The following STAT6 variants were observed in gnomAD, a reference collection of about 807,000 sequenced individuals.
STAT6 encodes STAT, interleukin4-induced.
A neutral mutation model predicts 106.3 loss-of-function variants in STAT6; 45 were observed. The ratio of observed to expected loss-of-function variants is 0.42; its 90% CI spans 0.33 to 0.54. The LOEUF (loss-of-function observed/expected upper bound fraction) is 0.54, where lower values mean the gene tolerates loss of function less well. Among genes scored for constraint, STAT6 ranks in the 20% least tolerant of loss-of-function variants. The probability of loss-of-function intolerance (pLI) is 0.06; values close to 1 mark genes in which losing one functional copy is unlikely to be tolerated. For synonymous variants in STAT6, 413 were observed against 413.6 expected (o/e 1.00, Z 0.02); for missense variants, 797 against 1,062.2 (o/e 0.75, Z 3.47).
In STAT6 at chr12:57,096,948, A is replaced by G. The variant is rs1217011729; in HGVS notation, c.2256T>C (p.His752=). The G allele has an allele frequency of 2.5e-6, 4 of 1,614,116 alleles. No homozygotes were observed. The Admixed American group carries it at 6.7e-5, about 27-fold the overall frequency. The change falls in exon 21 of 22, where the codon CAT becomes CAC. Residue 752 remains histidine, a synonymous_variant. Transcript: ENST00000300134. ...GCAGGGGGTCAGGGCTGGACACAGCATGCTCCTGAGGCTGGCACGGCAGCA... is the reference window on the plus strand; with the variant it reads ...GCAGGGGGTCAGGGCTGGACACAGCGTGCTCCTGAGGCTGGCACGGCAGCA... The part of the protein sequence containing the change: ...QGLLPCQPQE[H]AVSSPDPLLC...
At chr12:57,110,424 C>T (rs2034515517) in intron 1 of STAT6, 1 of 152,256 alleles carries the variant, frequency 6.6e-6, no homozygotes, top group Non-Finnish European at 1.5e-5. Context: ...GGATCCTCGT[C>T]CGCCCGCTTG....
In STAT6 at chr12:57,105,041, C is replaced by T. The variant is rs983203870; in HGVS notation, c.1001+110G>A. 5 of 1,376,378 alleles carry T rather than the reference C, an allele frequency of 3.6e-6. No individual in the cohort carries two copies. The African/African-American group carries it at 7.2e-5, about 20-fold the overall frequency. 85.3% of individuals were successfully genotyped at this position (1,376,378 alleles called of 1,614,324 possible). A position where few individuals can be genotyped will look rare whatever the true frequency, so the allele number is the denominator to read the frequency against. ...CTGCCTTGACCATTCAGGGTCTCCA[C>T]ATCCCATGGCCCTCCCTCCCCATCC... On this transcript the variant is annotated intron_variant, in intron 9 of 21. Coordinates refer to ENST00000300134, the MANE Select transcript of STAT6 (RefSeq NM_003153.5).
At chr12:57,100,694 AAGAAAG>A (rs1325716074) in intron 13 of STAT6, among the ~76,000 whole-genome samples, 233 of 28,780 alleles carry the variant, frequency 8.1e-3, no homozygotes, top group Middle Eastern at 0.025. Flanking sequence ...GAAAGAAAGA[AAGAAAG>A]AGAAAGAAAG....
In STAT6 at chr12:57,106,569, T is replaced by C; in HGVS notation, c.490A>G (p.Ser164Gly). ...GAEAGQVSLH[S>G]LIETPANGTG... ...CCATTAGCAGGAGTTTCTATCAAGC[T>C]GTGCAGAGACACTGAGGGTTGGGGG... is the stretch of plus-strand genomic sequence containing the variant. Residue 164 changes from serine to glycine, a missense_variant, in exon 6 of 22, where the codon AGC (serine) becomes GGC (glycine). Around this residue, in one of 4 missense-constraint regions of STAT6, gnomAD observed 336 missense variants for 429.8 expected, o/e 0.78. Coordinates refer to ENST00000300134, the MANE Select transcript of STAT6 (RefSeq NM_003153.5). 1.2e-6 allele frequency: 2 copies of C among 1,614,172 alleles called. No homozygotes were observed. The highest frequency in any genetic ancestry group is 1.7e-6 in the Non-Finnish European group (2 of 1,180,024).
chr12:57,101,650 C>CACCAT (rs1270655471), intron 13 of STAT6, among the ~76,000 whole-genome samples: 1 of 150,074 alleles, frequency 6.7e-6, no homozygotes, highest in Non-Finnish European at 1.5e-5. Context: ...AGGCATGAAC[C>CACCAT]ACCATGCCTG....
In STAT6 at chr12:57,099,757, G is replaced by A. The variant is rs554689146; in HGVS notation, c.1744+10C>T. ...GCACAGAGACAGAGGACTGGCTGGGGTGGCCTCACCATCCTGGCCCCGGAT... is the reference window on the plus strand; with the variant it reads ...GCACAGAGACAGAGGACTGGCTGGGATGGCCTCACCATCCTGGCCCCGGAT... On this transcript the variant is annotated intron_variant, in intron 15 of 21. Coordinates refer to ENST00000300134, the MANE Select transcript of STAT6 (RefSeq NM_003153.5). This position sits in a 1 kb window ranked among gnomAD's most constrained non-coding sequence, Gnocchi z 4.7. The A allele has an allele frequency of 5.0e-6, 8 of 1,612,838 alleles. No homozygotes were observed. Among genetic ancestry groups the A allele is most frequent in the African/African-American group, 1.3e-5 (1 of 75,034 alleles).
At chr12:57,107,167 T>G in intron 4 of STAT6, 64 bp downstream of exon 4, 1 of 1,522,916 alleles carries the variant, frequency 6.6e-7, no homozygotes, top group Admixed American at 1.7e-5. Flanking sequence ...CTTTCTAGTT[T>G]GTCATGGCTC....
At position 57,099,000 on chromosome 12, in the gene STAT6, T is replaced by C. The variant is rs1440649076; in HGVS notation, c.1955+15A>G. 6.2e-7 allele frequency: 1 copy of C among 1,614,030 alleles called. No individual in the cohort carries two copies. The highest frequency in any genetic ancestry group is 1.3e-5 in the African/African-American group (1 of 74,912). On this transcript the variant is annotated intron_variant, in intron 17 of 21. Transcript: ENST00000300134. ...AAGCCCCTGACCTACCCACTGTCCA[T>C]ACCACCACACTCACCTTTCCACGGT... is the stretch of plus-strand genomic sequence containing the variant.
Position 57,101,097 on chromosome 12 carries a change from C to CT in STAT6, c.1513-1008dup, listed in dbSNP as rs71084730. Among the ~76,000 whole-genome samples, 133 of 146,076 alleles carry CT rather than the reference C, an allele frequency of 9.1e-4. 1 individual carries two copies. Among genetic ancestry groups the CT allele is most frequent in the Middle Eastern group, 3.5e-3 (1 of 282 alleles). ...ATTCTTTTTCTTTCTTTCTTTCTTT[C>CT]TTTTTTTTTTTAGACAGAATCTCAT... On this transcript the variant is annotated intron_variant, in intron 13 of 21. Transcript: ENST00000300134.
intron 1 of STAT6, among the ~76,000 whole-genome samples, chr12:57,108,914 C>T (rs927650148): frequency 5.3e-5 from 8 of 152,314 alleles, no homozygotes; most frequent in African/African-American, 1.9e-4. Flanking sequence ...AACCACAAGG[C>T]TCGGCCAGGC....
chr12:57,102,906 G>A lies in STAT6; in HGVS notation c.1228C>T (p.Leu410=). ...TGGTTGCCATGGACGATGACCACCA[G>A]GGGCAGAGACAGGGCCTGAAGAGGG... ...PIQLQALSLP[L]VVIVHGNQDN... Residue 410 remains leucine (L), a synonymous_variant, in exon 12 of 22, where the codon CTG becomes TTG. Coordinates refer to ENST00000300134, the MANE Select transcript of STAT6 (RefSeq NM_003153.5). 1 of 1,602,260 alleles carries A rather than the reference G, an allele frequency of 6.2e-7. No individual in the cohort carries two copies. Among genetic ancestry groups the A allele is most frequent in the Admixed American group, 1.7e-5 (1 of 59,394 alleles).
At chr12:57,108,995 A>G (rs1470295837) in intron 1 of STAT6, among the ~76,000 whole-genome samples, 3 of 152,232 alleles carry the variant, frequency 2.0e-5, no homozygotes, top group African/African-American at 4.8e-5. Flanking sequence ...TCAGGAGATC[A>G]AGACCATCCT....
At chr12:57,107,153 A>G (rs2136614070) in intron 4 of STAT6, 78 bp downstream of exon 4, 2 of 1,479,788 alleles carry the variant, frequency 1.4e-6, no homozygotes, top group Non-Finnish European at 1.9e-6. Context: ...CTGAGGTTCA[A>G]ATTCTTTCTA....
chr12:57,102,216 G>A, intron 13 of STAT6, 74 bp downstream of exon 13: 1 of 1,512,396 alleles, frequency 6.6e-7, no homozygotes, highest in South Asian at 1.1e-5. Context: ...TCCCTGCATG[G>A]AGGCTGAGCA....
chr12:57,106,664 A>T (rs755509674), intron 5 of STAT6, 29 bp downstream of exon 5: 67 of 1,613,702 alleles, frequency 4.2e-5, no homozygotes, highest in Non-Finnish European at 5.3e-5. Flanking sequence ...CCACTCCTAC[A>T]CACTCCCCAG....
intron 2 of STAT6, 22 bp from the exon 3 acceptor site, chr12:57,107,765 G>T: frequency 6.2e-7 from 1 of 1,613,350 alleles, no homozygotes; most frequent in Non-Finnish European, 8.5e-7. Flanking sequence ...TCAGGATGAG[G>T]CTACCTCAGG....
rs1347917630 is a variant in STAT6, at chr12:57,104,735, G to A, written c.1080C>T (p.Phe360=). ...SIPGNCCSAL[F]KNLLLKKIKR... ...CCCCAAAGCCCCTCACCAGGTTCTT[G>A]AACAGGGCAGAGCAGCAGTTCCCAG... Residue 360 remains phenylalanine (F), a synonymous_variant, in exon 10 of 22, where the codon TTC becomes TTT. Coordinates refer to ENST00000300134, the MANE Select transcript of STAT6 (RefSeq NM_003153.5). The A allele has an allele frequency of 1.9e-6, 3 of 1,614,132 alleles. No homozygotes were observed. Among genetic ancestry groups the A allele is most frequent in the East Asian group, 2.2e-5 (1 of 44,878 alleles).
rs371086249 is a variant in STAT6, at chr12:57,108,297, T to C, written c.-19A>G. The C allele has an allele frequency of 9.5e-5, 147 of 1,543,418 alleles. No homozygotes were observed. The East Asian group carries it at 3.1e-3, about 32-fold the overall frequency. ...GAGACATGATCTGGGACTTGGAGGT[T>C]GCCTGGAGGAGAAAAATAAGGCCAC... On this transcript the variant is annotated splice_region_variant and 5_prime_UTR_variant, in exon 2 of 22. Transcript: ENST00000300134.
At chr12:57,100,911 G>T (rs2033886488) in intron 13 of STAT6, 1 of 454,202 alleles carries the variant, frequency 2.2e-6, no homozygotes, top group African/African-American at 2.0e-5. Flanking sequence ...TGTAAAATGG[G>T]GATAATAATA....
Sources: allele counts gnomAD v4.1 joint callset (sites outside exome capture counted in the v4.1 genomes callset), GRCh38; gene constraint gnomAD v4.1.1; regional missense constraint gnomAD v4.1.1; non-coding constraint Gnocchi (gnomAD v3.1); transcripts MANE v1.5; gene names NCBI Gene and HGNC (gene_info 2026-07-23, HGNC 2026-07-21).